The following PLCH1 variants were observed in gnomAD, a reference collection of about 807,000 sequenced individuals.
PLCH1 encodes 1-phosphatidylinositol 4,5-bisphosphate phosphodiesterase eta-1.
PLCH1 carries 60 observed loss-of-function variants against 126.7 expected under a neutral mutation model. That is an observed-to-expected ratio of 0.47 (90% confidence interval 0.38 to 0.59). The LOEUF (loss-of-function observed/expected upper bound fraction) is 0.59. Ranked by LOEUF, PLCH1 falls within the 20% of genes least tolerant of loss-of-function variation. The probability of loss-of-function intolerance (pLI) is 0.00; values close to 1 mark genes in which losing one functional copy is unlikely to be tolerated. For synonymous variants in PLCH1, 719 were observed against 734.9 expected (o/e 0.98, Z 0.35); for missense variants, 1,723 against 2,040.0 (o/e 0.84, Z 2.99).
At chr3:155,547,325 C>G (rs1373111789) in intron 10 of PLCH1, among the ~76,000 whole-genome samples, 10 of 151,774 alleles carry the variant, frequency 6.6e-5, no homozygotes, top group Non-Finnish European at 2.9e-5. Context: ...AAATGCAAAT[C>G]AAAACCACAG....
intron 2 of PLCH1, among the ~76,000 whole-genome samples, chr3:155,598,650 G>A (rs1733309360): frequency 6.6e-6 from 1 of 152,174 alleles, no homozygotes; most frequent in Admixed American, 6.5e-5. Context: ...AATACAGTCT[G>A]TTTCCAGCTT....
intron 2 of PLCH1, among the ~76,000 whole-genome samples, chr3:155,620,622 T>C (rs1204669493): frequency 6.6e-6 from 1 of 152,080 alleles, no homozygotes; most frequent in African/African-American, 2.4e-5. Context: ...AAGAAAGAGC[T>C]GCAACCGTGG....
chr3:155,478,702 TA>T (rs1260988160), downstream of PLCH1, among the ~76,000 whole-genome samples: 1 of 152,200 alleles, frequency 6.6e-6, no homozygotes, highest in Non-Finnish European at 1.5e-5. Context: ...CTTATTTAAT[TA>T]AATTAATAAT....
intron 10 of PLCH1, 70 bp downstream of exon 10, chr3:155,549,717 T>G: frequency 9.1e-7 from 1 of 1,099,240 alleles, no homozygotes; most frequent in Non-Finnish European, 1.3e-6. Context: ...GAAACCCATT[T>G]TTATTCTTTA....
At chr3:155,479,867 A>T (rs1713738593), downstream of PLCH1, 1 of 152,208 alleles carries the variant, frequency 6.6e-6, no homozygotes. Context: ...CAATTGTAAA[A>T]AAAGTTCACC....
chr3:155,610,869 C>T (rs998536032), intron 2 of PLCH1, among the ~76,000 whole-genome samples: 1 of 151,844 alleles, frequency 6.6e-6, no homozygotes, highest in East Asian at 1.9e-4. Context: ...ACTTTCAATA[C>T]TAATGTTGAA....
At chr3:155,694,519 T>G (rs1459206981) in intron 2 of PLCH1, among the ~76,000 whole-genome samples, 1 of 152,232 alleles carries the variant, frequency 6.6e-6, no homozygotes, top group Non-Finnish European at 1.5e-5. Context: ...AGAAATGCAT[T>G]GATGTTCAAT....
chr3:155,691,374 G>C (rs1183534991), intron 2 of PLCH1, among the ~76,000 whole-genome samples: 1 of 152,148 alleles, frequency 6.6e-6, no homozygotes, highest in Non-Finnish European at 1.5e-5. Flanking sequence ...TCCCGACAAG[G>C]TCTAAACTCA....
At chr3:155,494,573 A>C in intron 15 of PLCH1, 56 bp from the exon 16 acceptor site, 1 of 1,354,838 alleles carries the variant, frequency 7.4e-7, no homozygotes, top group Non-Finnish European at 1.1e-6. Context: ...AGAAAACACC[A>C]CGCACAGAAG....
rs71155060 is a variant in PLCH1, at chr3:155,655,431, GA to G, written c.79+48714del. On this transcript the variant is annotated intron_variant, in intron 2 of 22. Coordinates refer to ENST00000460012, the MANE Select transcript of PLCH1 (RefSeq NM_014996.4). ...GGGTAACAGAGCAAGAAACTTGTGA[GA>G]AAAAAAAAAAGAAGAAGAAGAAGAA... 1.4e-3 allele frequency among the ~76,000 whole-genome samples: 193 copies of G among 141,532 alleles called. 2 individuals are homozygous for G. Among genetic ancestry groups the G allele is most frequent in the African/African-American group, 4.4e-3 (163 of 36,980 alleles). 92.9% of individuals were successfully genotyped at this position (141,532 alleles called of 152,430 possible).
At position 155,464,378 on chromosome 3, in the gene PLCH1, T is replaced by G. The variant is rs115962119; in HGVS notation, c.2938+20978A>C. Among the ~76,000 whole-genome samples, 1,019 of 152,306 alleles carry G rather than the reference T, an allele frequency of 6.7e-3. 8 individuals are homozygous for G. The highest frequency in any genetic ancestry group is 0.023 in the African/African-American group (973 of 41,572). ...GGAAAAGGTGGGTTGATTATATTTA[T>G]ATTCAGAAGCTTTGCTTCTGTCCTC... On this transcript the variant is annotated intron_variant, in intron 21 of 21. Coordinates refer to the PLCH1 transcript ENST00000494598.
chr3:155,659,302 CTTTTTTTTTTTTTTTTTTTTTTTTTTTT>C (rs753258422), intron 2 of PLCH1, among the ~76,000 whole-genome samples: 2 of 30,796 alleles, frequency 6.5e-5, no homozygotes, highest in South Asian at 1.2e-3. Flanking sequence ...CTATTCACTT[CTTTTTTTTTTTTTTTTTTTTTTTTTTTT>C]TTTTTTTTTT....
chr3:155,616,277 G>C (rs1395320831), intron 2 of PLCH1, among the ~76,000 whole-genome samples: 1 of 152,180 alleles, frequency 6.6e-6, no homozygotes, highest in Non-Finnish European at 1.5e-5. Flanking sequence ...TTTAAGCATT[G>C]TTTTAAGATA....
intron 2 of PLCH1, among the ~76,000 whole-genome samples, chr3:155,610,780 G>A (rs1239871287): frequency 9.0e-6 from 1 of 111,156 alleles, no homozygotes; most frequent in Non-Finnish European, 1.7e-5. Context: ...ACTCTCACAG[G>A]GCCTACAAAA....
At chr3:155,451,027 C>G (rs1712295537) in intron 21 of PLCH1, among the ~76,000 whole-genome samples, 1 of 151,946 alleles carries the variant, frequency 6.6e-6, no homozygotes. Flanking sequence ...TAAAGAAGAT[C>G]CCCTAATGCC....
rs1255004204 is a variant in PLCH1, at chr3:155,733,947, A to ATG, written c.-41+10892_-41+10893insCA. Reference sequence around the variant, plus strand: ...CCAACAGGTATACATATATATATATATATATATATATATATATATATATAT... The same window carrying ATG: ...CCAACAGGTATACATATATATATATATGTATATATATATATATATATATATAT... On this transcript the variant is annotated intron_variant, in intron 1 of 22. Transcript: ENST00000460012. Among the ~76,000 whole-genome samples the ATG allele has an allele frequency of 9.8e-3, 619 of 63,022 alleles. 4 individuals are homozygous for ATG. Among genetic ancestry groups the ATG allele is most frequent in the South Asian group, 0.03 (55 of 1,806 alleles). 41.3% of individuals were successfully genotyped at this position (63,022 alleles called of 152,430 possible). A position where few individuals can be genotyped will look rare whatever the true frequency, so the allele number is the denominator to read the frequency against.
intron 1 of PLCH1, among the ~76,000 whole-genome samples, chr3:155,720,095 A>G (rs2109133362): frequency 6.6e-6 from 1 of 152,238 alleles, no homozygotes; most frequent in East Asian, 1.9e-4. Context: ...TGCCTGGCCT[A>G]CATTTTCTTT....
At chr3:155,726,430 T>G (rs538056722) in intron 1 of PLCH1, among the ~76,000 whole-genome samples, 43 of 152,308 alleles carry the variant, frequency 2.8e-4, no homozygotes, top group African/African-American at 9.9e-4. Context: ...TATTGTTACA[T>G]TGTCAGGATA....
intron 10 of PLCH1, among the ~76,000 whole-genome samples, chr3:155,530,038 C>T (rs571640556): frequency 8.5e-5 from 13 of 152,156 alleles, no homozygotes; most frequent in Admixed American, 2.0e-4. Flanking sequence ...AGGCATTAGC[C>T]ACCACACCTG....
Sources: gnomAD v4.1 joint callset for allele counts (sites outside exome capture counted in the v4.1 genomes callset) on GRCh38, gnomAD v4.1.1 for gene constraint, MANE v1.5 for transcripts, NCBI Gene and HGNC (gene_info 2026-07-23, HGNC 2026-07-21) for gene names.